The following ZNF264 variants were observed in gnomAD, a reference collection of about 807,000 sequenced individuals.
The protein encoded by ZNF264 is zinc finger protein 264.
In ZNF264, 11 loss-of-function variants were observed where a neutral mutation model predicts 11.2. The ratio of observed to expected loss-of-function variants is 0.98; its 90% confidence interval spans 0.62 to 1.63. The LOEUF is 1.63. Ranked by LOEUF, ZNF264 falls within the 40% of genes most tolerant of loss-of-function variation. The pLI is 0.00. For synonymous variants in ZNF264, 309 were observed against 279.8 expected, an observed-to-expected ratio of 1.10 and a Z score of -1.04; for missense variants, 752 against 768.1, an observed-to-expected ratio of 0.98 and a Z score of 0.25.
In ZNF264 at chr19:57,213,950, T is replaced by C. The variant is rs1254888270; in HGVS notation, c.*969T>C. ...TGCATTTTTGTTAGAATTTGCATCC[T>C]AGGGTGCTTTTTTGTTTGTGTGTGT... is the stretch of plus-strand genomic sequence containing the variant. On this transcript the variant is annotated 3_prime_UTR_variant, in exon 4 of 4. Coordinates refer to ENST00000263095, the MANE Select transcript of ZNF264 (RefSeq NM_003417.5). 1 of 152,122 alleles carries C rather than the reference T, an allele frequency of 6.6e-6. No individual in the cohort carries two copies. Among genetic ancestry groups the C allele is most frequent in the African/African-American group, 2.4e-5 (1 of 41,444 alleles). The allele number at this position is 152,122 out of a possible 1,614,324, so 9.4% of individuals were successfully genotyped here.
rs574630736 is a variant in ZNF264 at position 57,203,911 on chromosome 19, G to T, written c.161-1486G>T. ...TTAAAAACTGTGTGGCCATGGCCAGGCGCGGTTGCTTACGCCTGTAATCCC... is the reference window on the plus strand; with the variant it reads ...TTAAAAACTGTGTGGCCATGGCCAGTCGCGGTTGCTTACGCCTGTAATCCC... On this transcript the variant is annotated intron_variant, in intron 2 of 3. Coordinates refer to ENST00000263095, the MANE Select transcript of ZNF264 (RefSeq NM_003417.5). Among the ~76,000 whole-genome samples, 20 of 152,072 alleles carry T rather than the reference G, an allele frequency of 1.3e-4. 1 individual carries two copies. In the South Asian group the frequency reaches 4.2e-3, roughly 32 times the overall value.
rs2087402584 is a variant in ZNF264, at chr19:57,219,548, T to A, written c.*6567T>A. 1 of 152,318 alleles carries A rather than the reference T, an allele frequency of 6.6e-6. No homozygotes were observed. Among genetic ancestry groups the A allele is most frequent in the Admixed American group, 6.5e-5 (1 of 15,288 alleles). The allele number at this position is 152,318 out of a possible 1,614,324, so 9.4% of individuals were successfully genotyped here. On this transcript the variant is annotated 3_prime_UTR_variant, in exon 4 of 4. Coordinates refer to ENST00000263095, the MANE Select transcript of ZNF264 (RefSeq NM_003417.5). ...GGAGGGCTTCCATCATTTGTCCTCT[T>A]ACTTCCTTGTTAGAACTTTGTGCTG...
At chr19:57,194,193 CTT>C (rs1011591504) in intron 2 of ZNF264, 192 bp downstream of exon 2, 1 of 721,264 alleles carries the variant, frequency 1.4e-6, no homozygotes, top group African/African-American at 1.8e-5. Flanking sequence ...ACAGGGTACT[CTT>C]TGGCTCCCAG....
intron 2 of ZNF264, among the ~76,000 whole-genome samples, chr19:57,198,470 C>T (rs1599946667): frequency 6.6e-6 from 1 of 151,844 alleles, no homozygotes; most frequent in South Asian, 2.1e-4. Context: ...TCCATTTGGC[C>T]TTTCCCACCT....
At position 57,218,944 on chromosome 19, in the gene ZNF264, A is replaced by C. The variant is rs1282112020; in HGVS notation, c.*5963A>C. 2 of 152,202 alleles carry C rather than the reference A, an allele frequency of 1.3e-5. No homozygotes were observed. Among genetic ancestry groups the C allele is most frequent in the Admixed American group, 1.3e-4 (2 of 15,280 alleles). 9.4% of individuals were successfully genotyped at this position (152,202 alleles called of 1,614,324 possible). On this transcript the variant is annotated 3_prime_UTR_variant, in exon 4 of 4. Transcript: ENST00000263095. ...TGGTTTGTCTTGACATTTGAATAGA[A>C]ATGTTAAACTATCTGGGGGAATAGA...
chr19:57,206,103 C>T (rs2087290163), intron 3 of ZNF264, among the ~76,000 whole-genome samples: 1 of 152,176 alleles, frequency 6.6e-6, no homozygotes, highest in South Asian at 2.1e-4. Flanking sequence ...TCACATTCCA[C>T]CCACAGGAAC....
chr19:57,205,631 A>G (rs1433435488), intron 3 of ZNF264, 139 bp downstream of exon 3: 5 of 780,234 alleles, frequency 6.4e-6, no homozygotes, highest in Non-Finnish European at 1.1e-5. Flanking sequence ...TCACACTAGA[A>G]TGTTCCATTT....
At position 57,212,066 on chromosome 19, in the gene ZNF264, C is replaced by G. The variant is rs370273318; in HGVS notation, c.969C>G (p.Val323=). The G allele has an allele frequency of 6.2e-7, 1 of 1,613,960 alleles. No individual in the cohort carries two copies. The highest frequency in any genetic ancestry group is 1.3e-5 in the African/African-American group (1 of 74,884). The change falls in exon 4 of 4, where the codon GTC becomes GTG. Residue 323 remains valine, a synonymous_variant. Transcript: ENST00000263095. ...KSFVCTECGQ[V]FRHRPGFLRH... Reference sequence around the variant, plus strand: ...TTGTGTGCACAGAATGTGGCCAAGTCTTTCGACATAGGCCAGGCTTTCTCC... The same window carrying G: ...TTGTGTGCACAGAATGTGGCCAAGTGTTTCGACATAGGCCAGGCTTTCTCC...
At chr19:57,192,624 G>A (rs1041696609) in intron 1 of ZNF264, 27 of 957,924 alleles carry the variant, frequency 2.8e-5, no homozygotes, top group Non-Finnish European at 3.2e-5. Context: ...GATCCCAGAG[G>A]GCATGGGAAG....
chr19:57,196,455 G>A (rs1314377116), intron 2 of ZNF264, among the ~76,000 whole-genome samples: 1 of 151,924 alleles, frequency 6.6e-6, no homozygotes, highest in Non-Finnish European at 1.5e-5. Context: ...CCGAGGGATG[G>A]TTCCATATTG....
rs907009774 is a variant in ZNF264, at chr19:57,220,522, G to A, written c.*7541G>A. 2.0e-5 allele frequency: 3 copies of A among 152,026 alleles called. No individual in the cohort carries two copies. Among genetic ancestry groups the A allele is most frequent in the East Asian group, 3.9e-4 (2 of 5,190 alleles). The allele number at this position is 152,026 out of a possible 1,614,324, so 9.4% of individuals were successfully genotyped here. A position where few individuals can be genotyped will look rare whatever the true frequency, so the allele number is the denominator to read the frequency against. The stretch of plus-strand genomic sequence containing the variant: ...CAACCACCTCTTTTTCTCTTACCTC[G>A]TCCCCACATCCAGGCACTGCCCCAT... On this transcript the variant is annotated 3_prime_UTR_variant, in exon 4 of 4. Coordinates refer to ENST00000263095, the MANE Select transcript of ZNF264 (RefSeq NM_003417.5).
At chr19:57,195,479 C>G (rs917542623) in intron 2 of ZNF264, among the ~76,000 whole-genome samples, 1 of 152,244 alleles carries the variant, frequency 6.6e-6, no homozygotes, top group African/African-American at 2.4e-5. Context: ...TTGCCTTCAG[C>G]AAGCACCTCA....
chr19:57,193,592 G>A (rs184115808), intron 1 of ZNF264: 1 of 963,438 alleles, frequency 1.0e-6, no homozygotes, highest in East Asian at 1.1e-4. Context: ...CCATTTCCCT[G>A]TCGTTTTAGA....
rs1057052391 is a variant in ZNF264 at position 57,216,647 on chromosome 19, T to C, written c.*3666T>C. On this transcript the variant is annotated 3_prime_UTR_variant, in exon 4 of 4. Transcript: ENST00000263095. ...TTTAAAGCTTACCTGTATCATTACTTATGAAGTCAGTTTCTTTGAACAGCA... is the reference window on the plus strand; with the variant it reads ...TTTAAAGCTTACCTGTATCATTACTCATGAAGTCAGTTTCTTTGAACAGCA... The C allele has an allele frequency of 1.3e-5, 2 of 152,220 alleles. No homozygotes were observed. Among genetic ancestry groups the C allele is most frequent in the Non-Finnish European group, 2.9e-5 (2 of 68,026 alleles). The allele number at this position is 152,220 out of a possible 1,614,324, so 9.4% of individuals were successfully genotyped here.
In ZNF264 at chr19:57,220,493, A is replaced by G. The variant is rs924774612; in HGVS notation, c.*7512A>G. 8.5e-5 allele frequency: 13 copies of G among 152,118 alleles called. No homozygotes were observed. The highest frequency in any genetic ancestry group is 2.9e-4 in the African/African-American group (12 of 41,416). 9.4% of individuals were successfully genotyped at this position (152,118 alleles called of 1,614,324 possible). On this transcript the variant is annotated 3_prime_UTR_variant, in exon 4 of 4. Transcript: ENST00000263095. Reference sequence around the variant, plus strand: ...ATTTGAATCTTGTTGCCCAAGCCACATTGCAACCACCTCTTTTTCTCTTAC... The same window carrying G: ...ATTTGAATCTTGTTGCCCAAGCCACGTTGCAACCACCTCTTTTTCTCTTAC...
At chr19:57,204,881 A>C (rs2087280495) in intron 2 of ZNF264, among the ~76,000 whole-genome samples, 1 of 152,152 alleles carries the variant, frequency 6.6e-6, no homozygotes, top group Non-Finnish European at 1.5e-5. Flanking sequence ...CAGAGATGGC[A>C]GGACCTGGGC....
In ZNF264 at chr19:57,213,389, AATCG is replaced by A; in HGVS notation, c.*409_*412del. The A allele has an allele frequency of 6.0e-6, 1 of 165,552 alleles. No homozygotes were observed. Among genetic ancestry groups the A allele is most frequent in the South Asian group, 1.5e-4 (1 of 6,614 alleles). The allele number at this position is 165,552 out of a possible 1,614,324, so 10.3% of individuals were successfully genotyped here. On this transcript the variant is annotated 3_prime_UTR_variant, in exon 4 of 4. Transcript: ENST00000263095. Reference sequence around the variant, plus strand: ...AGTTTAGGAAAAGTATGCAAACTTTAATCGCACATCTTCTGTATTCCACAATAGT... The same window carrying A: ...AGTTTAGGAAAAGTATGCAAACTTTACACATCTTCTGTATTCCACAATAGT...
chr19:57,204,802 G>A (rs117065624), intron 2 of ZNF264, among the ~76,000 whole-genome samples: 1 of 152,246 alleles, frequency 6.6e-6, no homozygotes, highest in African/African-American at 2.4e-5. Context: ...GATCACTGTC[G>A]TTGGCATACC....
intron 3 of ZNF264, 151 bp from the exon 4 acceptor site, chr19:57,211,203 G>A: frequency 1.2e-6 from 1 of 810,234 alleles, no homozygotes. Context: ...GACCAGGATA[G>A]AAAGAAATTG....
Sources: gnomAD v4.1 joint callset for allele counts (sites outside exome capture counted in the v4.1 genomes callset) on GRCh38, gnomAD v4.1.1 for gene constraint, MANE v1.5 for transcripts, NCBI Gene and HGNC (gene_info 2026-07-23, HGNC 2026-07-21) for gene names.